DDHD1: variants seen among roughly 807,000 people sequenced by gnomAD.
The protein encoded by DDHD1 is phospholipase DDHD1.
Under a neutral mutation model 96.4 loss-of-function variants are expected in DDHD1, and 49 were observed. That is an observed-to-expected ratio of 0.51 (90% CI 0.40 to 0.64). The LOEUF is 0.64. Ranked by LOEUF, DDHD1 falls within the 30% of genes least tolerant of loss-of-function variation. The pLI, the probability that DDHD1 is intolerant of heterozygous loss-of-function variation, is 0.00. For missense variants in DDHD1, 1,106 were observed against 1,161.2 expected (o/e 0.95, Z 0.69); for synonymous variants, 442 against 446.5 (o/e 0.99, Z 0.13).
chr14:53,058,958 A>G (rs1304654267), intron 8 of DDHD1, among the ~76,000 whole-genome samples: 1 of 152,226 alleles, frequency 6.6e-6, no homozygotes, highest in Non-Finnish European at 1.5e-5. Flanking sequence ...TGATAGATAT[A>G]AAGACCAGTA....
chr14:53,112,617 AACTT>A (rs1166812227), intron 1 of DDHD1, among the ~76,000 whole-genome samples: 2 of 152,182 alleles, frequency 1.3e-5, no homozygotes, highest in East Asian at 3.9e-4. Flanking sequence ...TTACTAATAT[AACTT>A]ACTTATCAAT....
chr14:53,093,210 TATACTTAAAAC>T, intron 3 of DDHD1, 95 bp downstream of exon 3: 1 of 1,166,354 alleles, frequency 8.6e-7, no homozygotes, highest in Non-Finnish European at 1.1e-6. Context: ...CTAAATTTAA[TATACTTAAAAC>T]ATACTAAAAA....
At chr14:53,144,512 TTC>T (rs1890847645) in intron 1 of DDHD1, among the ~76,000 whole-genome samples, 1 of 152,232 alleles carries the variant, frequency 6.6e-6, no homozygotes, top group Non-Finnish European at 1.5e-5. Context: ...TTGAAGTAGA[TTC>T]TCTCTTTCCT....
chr14:53,072,755 A>T, intron 5 of DDHD1, 52 bp from the exon 6 acceptor site: 1 of 1,248,526 alleles, frequency 8.0e-7, no homozygotes, highest in Non-Finnish European at 1.1e-6. Context: ...TCTCTGTTAC[A>T]GGAAAGTAAT....
At chr14:53,073,876 ACAAAGCTT>A (rs1566539713) in intron 4 of DDHD1, 29 bp from the exon 5 acceptor site, 2 of 1,576,752 alleles carry the variant, frequency 1.3e-6, no homozygotes, top group African/African-American at 1.4e-5. Flanking sequence ...AAAAATGCAA[ACAAAGCTT>A]TATGAGAATA....
intron 1 of DDHD1, among the ~76,000 whole-genome samples, chr14:53,145,864 T>C (rs1356722107): frequency 2.0e-5 from 3 of 152,168 alleles, no homozygotes; most frequent in East Asian, 1.9e-4. Flanking sequence ...TACAGAGCAA[T>C]GATTATAAAT....
chr14:53,113,535 T>C (rs1328724979), intron 1 of DDHD1, among the ~76,000 whole-genome samples: 1 of 152,044 alleles, frequency 6.6e-6, no homozygotes, highest in African/African-American at 2.4e-5. Flanking sequence ...TTTCTGCATT[T>C]CCAACTGAGG....
chr14:53,148,665 T>C (rs1020914489), intron 1 of DDHD1, among the ~76,000 whole-genome samples: 1 of 152,242 alleles, frequency 6.6e-6, no homozygotes, highest in Non-Finnish European at 1.5e-5. Context: ...ATGTTCCATA[T>C]GCCTTCCCAT....
Position 53,042,180 on chromosome 14 carries a change from G to GC in DDHD1, c.*4587dup, listed in dbSNP as rs1363340647. 6.6e-6 allele frequency: 1 copy of GC among 152,092 alleles called. No individual in the cohort carries two copies. Among genetic ancestry groups the GC allele is most frequent in the Non-Finnish European group, 1.5e-5 (1 of 68,024 alleles). The allele number at this position is 152,092 out of a possible 1,614,324, so 9.4% of individuals were successfully genotyped here. ...AAAATATGGTTAAATAAATTTGGAGGCCCCCACGCAGCACCAGATAGATTC... is the reference window on the plus strand; with the variant it reads ...AAAATATGGTTAAATAAATTTGGAGGCCCCCCACGCAGCACCAGATAGATTC... On this transcript the variant is annotated 3_prime_UTR_variant, in exon 13 of 13. Transcript: ENST00000673822.
At chr14:53,142,901 G>T (rs913753493) in intron 1 of DDHD1, among the ~76,000 whole-genome samples, 1 of 152,218 alleles carries the variant, frequency 6.6e-6, no homozygotes, top group Non-Finnish European at 1.5e-5. Context: ...CCAAGAATAT[G>T]CCAAGTGAGG....
intron 4 of DDHD1, among the ~76,000 whole-genome samples, chr14:53,085,755 G>A (rs1420944905): frequency 3.3e-5 from 5 of 152,102 alleles, no homozygotes; most frequent in South Asian, 4.1e-4. Flanking sequence ...CCAAAGGATC[G>A]CAGCTCCTCA....
chr14:53,093,746 G>T (rs138636776), intron 2 of DDHD1: 275 of 286,448 alleles, frequency 9.6e-4, no homozygotes, highest in African/African-American at 6.1e-3. Context: ...ATAATTAACT[G>T]CTTTCCCGGG....
Position 53,152,771 on chromosome 14 carries a change from C to CGCCGCA in DDHD1, c.327_328insTGCGGC (p.Gly109_Gly110insCysGly), listed in dbSNP as rs1555344792. On this transcript the variant is annotated inframe_insertion, in exon 1 of 13. Transcript: ENST00000673822. ...TGCAGCGACAAGGAGCTGCCGCCGCCGCCGCTCTCACCCTCGCTGTAGTAG... is the reference window on the plus strand; with the variant it reads ...TGCAGCGACAAGGAGCTGCCGCCGCCGCCGCAGCCGCTCTCACCCTCGCTGTAGTAG... 6.2e-7 allele frequency: 1 copy of CGCCGCA among 1,603,456 alleles called. No individual in the cohort carries two copies. The highest frequency in any genetic ancestry group is 1.7e-5 in the Admixed American group (1 of 58,626).
chr14:53,102,286 T>C (rs1887360360), intron 2 of DDHD1, among the ~76,000 whole-genome samples: 2 of 152,078 alleles, frequency 1.3e-5, no homozygotes, highest in Non-Finnish European at 2.9e-5. Flanking sequence ...AAACTTGCTA[T>C]TTTTACTATA....
At position 53,041,364 on chromosome 14, in the gene DDHD1, A is replaced by G. The variant is rs1881633926; in HGVS notation, c.*5404T>C. The G allele has an allele frequency of 6.6e-6, 1 of 152,208 alleles. No homozygotes were observed. Among genetic ancestry groups the G allele is most frequent in the Admixed American group, 6.5e-5 (1 of 15,274 alleles). 9.4% of individuals were successfully genotyped at this position (152,208 alleles called of 1,614,324 possible). A position where few individuals can be genotyped will look rare whatever the true frequency, so the allele number is the denominator to read the frequency against. Reference sequence around the variant, plus strand: ...GTTCACCCTAACAATCTGCCAATGGACTATTTTTGGGGAATGCACATACAT... The same window carrying G: ...GTTCACCCTAACAATCTGCCAATGGGCTATTTTTGGGGAATGCACATACAT... On this transcript the variant is annotated 3_prime_UTR_variant, in exon 13 of 13. Transcript: ENST00000673822.
intron 6 of DDHD1, among the ~76,000 whole-genome samples, chr14:53,067,916 C>G (rs181859862): frequency 6.6e-6 from 1 of 152,032 alleles, no homozygotes; most frequent in African/African-American, 2.4e-5. Flanking sequence ...ACACATAAAC[C>G]GTCACCTTTT....
chr14:53,085,702 C>G (rs8010534), intron 4 of DDHD1, among the ~76,000 whole-genome samples: 86,690 of 152,044 alleles, frequency 0.57, 26,053 homozygotes, highest in South Asian at 0.7. Context: ...GAAACTACAG[C>G]AGAAAAGCTG....
At chr14:53,047,941 C>T (rs1183163547) in intron 12 of DDHD1, among the ~76,000 whole-genome samples, 1 of 152,174 alleles carries the variant, frequency 6.6e-6, no homozygotes, top group African/African-American at 2.4e-5. Context: ...CAACCAGACA[C>T]TGTAAAGTCT....
chr14:53,103,612 C>G, intron 2 of DDHD1, 71 bp downstream of exon 2: 1 of 1,249,040 alleles, frequency 8.0e-7, no homozygotes, highest in South Asian at 2.0e-5. Context: ...GTCAAATTTA[C>G]AAACCACTCT....
Sources: gnomAD v4.1 joint callset for allele counts (sites outside exome capture counted in the v4.1 genomes callset) on GRCh38, gnomAD v4.1.1 for gene constraint, MANE v1.5 for transcripts, NCBI Gene and HGNC (gene_info 2026-07-23, HGNC 2026-07-21) for gene names.